GABPB1: variants seen among roughly 807,000 people sequenced by gnomAD.
The protein encoded by GABPB1 is GA binding protein transcription factor subunit beta 1, also known as GA-binding protein subunit beta-1.
In GABPB1, 15 loss-of-function variants were observed where a neutral mutation model predicts 45.9. The ratio of observed to expected loss-of-function variants is 0.33; its 90% confidence interval spans 0.22 to 0.50. GABPB1 has a LOEUF of 0.50. Among genes scored for constraint, GABPB1 ranks in the 20% least tolerant of loss-of-function variants. GABPB1 has a pLI of 0.98. For missense variants in GABPB1, 252 were observed against 457.5 expected (o/e 0.55, Z 4.10); for synonymous variants, 143 against 154.4 (o/e 0.93, Z 0.55).
chr15:50,334,183 T>C (rs2048040139), intron 1 of GABPB1, among the ~76,000 whole-genome samples: 1 of 152,220 alleles, frequency 6.6e-6, no homozygotes, highest in Non-Finnish European at 1.5e-5. Context: ...ATTATCCTAA[T>C]TAGGATTCAT....
chr15:50,353,712 G>A (rs1368653625), intron 1 of GABPB1: 1 of 151,908 alleles, frequency 6.6e-6, no homozygotes, highest in Non-Finnish European at 1.5e-5. Context: ...AAGCTGGGTG[G>A]GTCTTTACAT....
At chr15:50,283,517 TTG>T (rs201133015) in intron 8 of GABPB1, among the ~76,000 whole-genome samples, 33 of 147,940 alleles carry the variant, frequency 2.2e-4, no homozygotes, top group East Asian at 1.2e-3. Flanking sequence ...TAGCACCTTA[TTG>T]TTTTTTTTTT....
At chr15:50,319,029 G>C (rs1392181897) in intron 1 of GABPB1, among the ~76,000 whole-genome samples, 1 of 152,120 alleles carries the variant, frequency 6.6e-6, no homozygotes, top group African/African-American at 2.4e-5. Context: ...ATATGCATAG[G>C]AATAGCTTAA....
At chr15:50,311,874 AT>A (rs1276362515) in intron 1 of GABPB1, among the ~76,000 whole-genome samples, 3 of 152,218 alleles carry the variant, frequency 2.0e-5, no homozygotes, top group African/African-American at 7.2e-5. Context: ...TATGCCTATA[AT>A]TTTTAGTAGA....
chr15:50,331,995 C>G (rs953866174), intron 1 of GABPB1, among the ~76,000 whole-genome samples: 2 of 152,016 alleles, frequency 1.3e-5, no homozygotes, highest in African/African-American at 4.8e-5. Flanking sequence ...CCGTCTCAGT[C>G]TCCCAAGTAG....
At chr15:50,342,545 G>C (rs2048414995) in intron 1 of GABPB1, among the ~76,000 whole-genome samples, 1 of 152,286 alleles carries the variant, frequency 6.6e-6, no homozygotes, top group African/African-American at 2.4e-5. Context: ...AAAATTTGTA[G>C]ATTATAACAA....
chr15:50,304,097 C>T lies in GABPB1; in HGVS notation c.145G>A (p.Gly49Ser), dbSNP rs1468684027. Residue 49 changes from glycine (G) to serine (S), a missense_variant, in exon 3 of 9, where the codon GGT (glycine) becomes AGT (serine). By Grantham distance (56) the Gly-to-Ser change is moderately conservative. Transcript: ENST00000380877. ...TSPLHLAAQY[G>S]HYSTTEVLLR... ...AGTACCTCTGTGGTGGAATAATGAC[C>T]ATACTGTGCTGCTAGATGAAGTGGA... The T allele has an allele frequency of 6.2e-7, 1 of 1,609,034 alleles. No individual in the cohort carries two copies. Among genetic ancestry groups the T allele is most frequent in the Non-Finnish European group, 8.5e-7 (1 of 1,178,258 alleles).
intron 1 of GABPB1, among the ~76,000 whole-genome samples, chr15:50,335,915 A>AAAAAAG (rs747229560): frequency 4.7e-3 from 493 of 104,196 alleles, no homozygotes; most frequent in African/African-American, 7.6e-3. Flanking sequence ...AAAAAAAAAA[A>AAAAAAG]AAGAAGACTG....
chr15:50,317,870 C>A (rs967200859), intron 1 of GABPB1, among the ~76,000 whole-genome samples: 1 of 150,288 alleles, frequency 6.7e-6, no homozygotes, highest in Non-Finnish European at 1.5e-5. Context: ...GATCGCGCCA[C>A]CGCACTCCAG....
rs777573177 is a variant in GABPB1, at chr15:50,300,859, T to A, written c.627A>T (p.Thr209=). 3 of 1,612,824 alleles carry A rather than the reference T, an allele frequency of 1.9e-6. No individual in the cohort carries two copies. The highest frequency in any genetic ancestry group is 1.6e-4 in the Middle Eastern group (1 of 6,062). ...AGGCAGCTAATGTAGCTAATACTGA[T>A]GTAGAAGAGTTTCCAAACTGAACAG... ...VSAVQFGNSS[T]SVLATLAALA... Residue 209 remains threonine (T), a synonymous_variant, in exon 6 of 9, where the codon ACA becomes ACT. Coordinates refer to ENST00000380877, the MANE Select transcript of GABPB1 (RefSeq NM_016654.5).
intron 1 of GABPB1, among the ~76,000 whole-genome samples, chr15:50,310,120 T>A (rs992340991): frequency 9.2e-5 from 14 of 152,068 alleles, no homozygotes; most frequent in African/African-American, 3.4e-4. Context: ...TGACACAGAG[T>A]CTCGGCCTGT....
At position 50,275,970 on chromosome 15, in the gene GABPB1, A is replaced by T. The variant is rs2045833932; in HGVS notation, c.*2662T>A. The T allele has an allele frequency of 6.6e-6, 1 of 152,192 alleles. No homozygotes were observed. Among genetic ancestry groups the T allele is most frequent in the Admixed American group, 6.5e-5 (1 of 15,274 alleles). The allele number at this position is 152,192 out of a possible 1,614,324, so 9.4% of individuals were successfully genotyped here. ...TGAATAAAGTAATTGGGCAGTCAAG[A>T]TGCCTAACGAACTCAGTGTCTGGAT... On this transcript the variant is annotated 3_prime_UTR_variant, in exon 9 of 9. Coordinates refer to ENST00000380877, the MANE Select transcript of GABPB1 (RefSeq NM_016654.5).
At chr15:50,332,987 T>A (rs1034123842) in intron 1 of GABPB1, among the ~76,000 whole-genome samples, 2 of 152,200 alleles carry the variant, frequency 1.3e-5, no homozygotes, top group African/African-American at 4.8e-5. Context: ...GTATATCCTT[T>A]AAAAACATAC....
chr15:50,307,701 CA>C (rs35298471), intron 2 of GABPB1, among the ~76,000 whole-genome samples: 7,115 of 131,622 alleles, frequency 0.054, 284 homozygotes, highest in East Asian at 0.23. Context: ...GACTCCATCT[CA>C]AAAAAAAAAA....
chr15:50,282,956 G>A (rs1351890322), intron 8 of GABPB1, among the ~76,000 whole-genome samples: 1 of 152,202 alleles, frequency 6.6e-6, no homozygotes, highest in Non-Finnish European at 1.5e-5. Flanking sequence ...TTAGGAGACT[G>A]AGGCAGGAGA....
intron 2 of GABPB1, among the ~76,000 whole-genome samples, chr15:50,307,976 T>C (rs1163210421): frequency 6.6e-6 from 1 of 152,202 alleles, no homozygotes; most frequent in Non-Finnish European, 1.5e-5. Flanking sequence ...ACATTTTCTA[T>C]CTATTTTTAT....
chr15:50,290,209 T>C (rs1171655921), intron 6 of GABPB1, among the ~76,000 whole-genome samples: 1 of 152,228 alleles, frequency 6.6e-6, no homozygotes, highest in African/African-American at 2.4e-5. Context: ...TCTTTACATG[T>C]GAGTGGTTAA....
At chr15:50,314,170 G>GATTTATTT (rs372088129) in intron 1 of GABPB1, among the ~76,000 whole-genome samples, 4 of 149,570 alleles carry the variant, frequency 2.7e-5, no homozygotes, top group Admixed American at 2.1e-4. Flanking sequence ...CCATACGGTA[G>GATTTATTT]ATTTATTTAT....
chr15:50,336,435 T>C (rs867123010), intron 1 of GABPB1, among the ~76,000 whole-genome samples: 7 of 151,642 alleles, frequency 4.6e-5, no homozygotes, highest in Admixed American at 3.3e-4. Flanking sequence ...GTCTCACACC[T>C]GTAATCCCAG....
Sources: gnomAD v4.1 joint callset for allele counts (sites outside exome capture counted in the v4.1 genomes callset) on GRCh38, gnomAD v4.1.1 for gene constraint, MANE v1.5 for transcripts, NCBI Gene and HGNC (gene_info 2026-07-23, HGNC 2026-07-21) for gene names.